IRF6: variants seen among roughly 807,000 people sequenced by gnomAD.
The protein encoded by IRF6 is Van der Woude syndrome.
In IRF6, 6 loss-of-function variants were observed where a neutral mutation model predicts 51.4. The observed-to-expected ratio is 0.12, with a 90% CI of 0.06 to 0.23. The LOEUF is 0.23. IRF6 is among the 10% of genes least tolerant of loss of function. The probability of loss-of-function intolerance (pLI) is 1.00; values close to 1 mark genes in which losing one functional copy is unlikely to be tolerated. For missense variants in IRF6, 348 were observed against 585.2 expected (o/e 0.59, Z 4.18); for synonymous variants, 178 against 215.7 (o/e 0.83, Z 1.53).
chr1:209,789,614 C>T (rs1336784873), intron 8 of IRF6, 53 bp downstream of exon 8: 3 of 1,318,424 alleles, frequency 2.3e-6, no homozygotes, highest in Non-Finnish European at 3.3e-6. Flanking sequence ...GACCTGGGGG[C>T]TTAAGCATTG....
At chr1:209,798,902 C>A (rs1258358781) in intron 3 of IRF6, among the ~76,000 whole-genome samples, 1 of 86,784 alleles carries the variant, frequency 1.2e-5, no homozygotes. Context: ...GAGCAAGACT[C>A]TGTCTCAAAA....
intron 6 of IRF6, among the ~76,000 whole-genome samples, chr1:209,791,841 A>G (rs2077870851): frequency 6.6e-6 from 1 of 152,194 alleles, no homozygotes; most frequent in Admixed American, 6.5e-5. Flanking sequence ...ACTGGAGTGC[A>G]ATGGCATGAT....
In IRF6 at chr1:209,801,168, G is replaced by A; in HGVS notation, c.174+72C>T. 4 of 1,281,352 alleles carry A rather than the reference G, an allele frequency of 3.1e-6. No individual in the cohort carries two copies. In the East Asian group the frequency reaches 9.4e-5, roughly 30 times the overall value. The allele number at this position is 1,281,352 out of a possible 1,614,324, so 79.4% of individuals were successfully genotyped here. A position where few individuals can be genotyped will look rare whatever the true frequency, so the allele number is the denominator to read the frequency against. On this transcript the variant is annotated intron_variant, in intron 3 of 8. Transcript: ENST00000367021. The stretch of plus-strand genomic sequence containing the variant: ...CTGTTTCACCAGAGTTTTAGATCTA[G>A]TGTATTCCCCATGCCAAAAAAAAAA...
chr1:209,796,539 T>A lies in IRF6; in HGVS notation c.188A>T (p.Glu63Val). Residue 63 changes from glutamate (E) to valine (V), a missense_variant, in exon 4 of 9, where the codon GAG becomes GTG. Glu to Val is a moderately radical substitution (Grantham distance 121, BLOSUM62 -2). Around this residue, in one of 5 missense-constraint regions of IRF6, gnomAD observed 48 missense variants for 128.1 expected, o/e 0.37. Transcript: ENST00000367021. The surrounding 1 kb of genome is among the most constrained non-coding windows in gnomAD (Gnocchi z 4.5). The part of the protein sequence containing the change: ...ENTIFKAWAV[E>V]TGKYQEGVDD... ...CACCCCTTCCTGGTACTTCCCTGTC[T>A]CTACAGCCCAGGCCTGAGAACAAGA... The A allele has an allele frequency of 6.2e-7, 1 of 1,612,898 alleles. No individual in the cohort carries two copies. Among genetic ancestry groups the A allele is most frequent in the East Asian group, 2.2e-5 (1 of 44,870 alleles).
chr1:209,803,429 C>A (rs1483882234), intron 1 of IRF6, among the ~76,000 whole-genome samples: 1 of 152,172 alleles, frequency 6.6e-6, no homozygotes. Context: ...CCAAATCCCA[C>A]CATGCAAAAA....
In IRF6 at chr1:209,788,537, C is replaced by T. The variant is rs781337512; in HGVS notation, c.1287G>A (p.Lys429=). The change falls in exon 9 of 9, where the codon AAG becomes AAA. Residue 429 remains lysine, a synonymous_variant. Coordinates refer to ENST00000367021, the MANE Select transcript of IRF6 (RefSeq NM_006147.4). ...VRLQISTPDI[K]DNIVAQLKQL... ...GCTTCAGCTGAGCAACGATGTTATC[C>T]TTGATGTCTGGGGTTGAGATCTGCA... is the stretch of plus-strand genomic sequence containing the variant. The T allele has an allele frequency of 3.1e-6, 5 of 1,614,082 alleles. No individual in the cohort carries two copies. Among genetic ancestry groups the T allele is most frequent in the East Asian group, 2.2e-5 (1 of 44,872 alleles).
At position 209,786,826 on chromosome 1, in the gene IRF6, T is replaced by C. The variant is rs2077837118; in HGVS notation, c.*1594A>G. On this transcript the variant is annotated 3_prime_UTR_variant, in exon 9 of 9. Coordinates refer to ENST00000367021, the MANE Select transcript of IRF6 (RefSeq NM_006147.4). ...TTTTAGTTTTTAAAATAAGGCTAGC[T>C]CAACTTTTGAGTCATTTTGAAAAGT... 6.6e-6 allele frequency: 1 copy of C among 152,208 alleles called. No homozygotes were observed. The highest frequency in any genetic ancestry group is 2.1e-4 in the South Asian group (1 of 4,836). 9.4% of individuals were successfully genotyped at this position (152,208 alleles called of 1,614,324 possible).
intron 3 of IRF6, among the ~76,000 whole-genome samples, chr1:209,800,577 T>C (rs1160411): frequency 0.37 from 55,401 of 151,770 alleles, 10,493 homozygotes; most frequent in East Asian, 0.57. Context: ...GGCAACATGG[T>C]GAAACCCCGT....
chr1:209,805,653 G>T (rs1297916421), intron 1 of IRF6, among the ~76,000 whole-genome samples: 4 of 152,202 alleles, frequency 2.6e-5, no homozygotes, highest in African/African-American at 9.7e-5. Context: ...TAGCTCTACC[G>T]GATAGTGGGG....
chr1:209,797,487 A>C (rs1023279108), intron 3 of IRF6, among the ~76,000 whole-genome samples: 1 of 152,014 alleles, frequency 6.6e-6, no homozygotes, highest in African/African-American at 2.4e-5. Context: ...GTCCTAAAAA[A>C]TCCACACCCC....
At chr1:209,789,014 CA>C (rs538000638) in intron 8 of IRF6, among the ~76,000 whole-genome samples, 8 of 152,202 alleles carry the variant, frequency 5.3e-5, no homozygotes, top group African/African-American at 1.7e-4. Flanking sequence ...AAAAGTAACT[CA>C]AAAGGTTTTT....
chr1:209,801,643 C>T (rs1052916301), intron 2 of IRF6, among the ~76,000 whole-genome samples: 1 of 152,222 alleles, frequency 6.6e-6, no homozygotes, highest in Non-Finnish European at 1.5e-5. Flanking sequence ...CCAAATCAGA[C>T]TTATCAGCTA....
At position 209,796,198 on chromosome 1, in the gene IRF6, T is replaced by G. The variant is rs1418616681; in HGVS notation, c.379+150A>C. 2 of 674,572 alleles carry G rather than the reference T, an allele frequency of 3.0e-6. No individual in the cohort carries two copies. The highest frequency in any genetic ancestry group is 5.0e-6 in the Non-Finnish European group (2 of 399,258). 41.8% of individuals were successfully genotyped at this position (674,572 alleles called of 1,614,324 possible). ...AAGATTTTGCTGAGTCTGCATCTTT[T>G]GTTTTCTGGGTCCTTCCCAGAGAAA... On this transcript the variant is annotated intron_variant, in intron 4 of 8. Transcript: ENST00000367021. The surrounding 1 kb of genome is among the most constrained non-coding windows in gnomAD (Gnocchi z 4.5).
rs576119038 is a variant in IRF6, at chr1:209,794,052, A to G, written c.508+1238T>C. ...TGAACATATGGGTACATGTGTCCCTATGGTAGAACAGTTTATATTCTTTTG... is the reference window on the plus strand; with the variant it reads ...TGAACATATGGGTACATGTGTCCCTGTGGTAGAACAGTTTATATTCTTTTG... On this transcript the variant is annotated intron_variant, in intron 5 of 8. Coordinates refer to ENST00000367021, the MANE Select transcript of IRF6 (RefSeq NM_006147.4). Among the ~76,000 whole-genome samples the G allele has an allele frequency of 3.9e-5, 6 of 152,292 alleles. No homozygotes were observed. In the South Asian group the frequency reaches 8.3e-4, roughly 21 times the overall value.
chr1:209,798,461 C>G (rs2077918203), intron 3 of IRF6, among the ~76,000 whole-genome samples: 1 of 152,230 alleles, frequency 6.6e-6, no homozygotes, highest in Non-Finnish European at 1.5e-5. Flanking sequence ...TTCCCTAAAT[C>G]CCTGCTCCTC....
intron 7 of IRF6, 91 bp from the exon 8 acceptor site, chr1:209,789,876 C>A (rs1395858383): frequency 2.4e-6 from 2 of 846,350 alleles, no homozygotes; most frequent in East Asian, 4.9e-5. Flanking sequence ...TTACAATAGC[C>A]ACTAGCCACA....
In IRF6 at chr1:209,795,321, G is replaced by T. The variant is rs2077894047; in HGVS notation, c.477C>A (p.Ile159=). The T allele has an allele frequency of 6.2e-7, 1 of 1,614,172 alleles. No homozygotes were observed. The highest frequency in any genetic ancestry group is 8.5e-7 in the Non-Finnish European group (1 of 1,180,020). Residue 159 remains isoleucine, a synonymous_variant, in exon 5 of 9, where the codon ATC becomes ATA. Transcript: ENST00000367021. The part of the protein sequence containing the change: ...ELDQSQHHVP[I]QDTFPFLNIN... ...TGTTCAGGAAGGGGAAGGTGTCCTG[G>T]ATGGGAACATGGTGCTGCGACTGAT...
chr1:209,792,651 T>C, intron 5 of IRF6: 1 of 590,188 alleles, frequency 1.7e-6, no homozygotes, highest in Non-Finnish European at 3.0e-6. Context: ...TTCATAGTTT[T>C]AAAAACCTTT....
chr1:209,799,473 T>C (rs1382553984), intron 3 of IRF6, among the ~76,000 whole-genome samples: 2 of 152,226 alleles, frequency 1.3e-5, no homozygotes, highest in Non-Finnish European at 2.9e-5. Context: ...ACCCATTTAA[T>C]GTTAGTGCCC....
Sources: gnomAD v4.1 joint callset for allele counts (sites outside exome capture counted in the v4.1 genomes callset) on GRCh38, gnomAD v4.1.1 for gene constraint, gnomAD v4.1.1 regional missense constraint, Gnocchi (gnomAD v3.1) non-coding constraint, MANE v1.5 for transcripts, NCBI Gene and HGNC (gene_info 2026-07-23, HGNC 2026-07-21) for gene names.